MYO3B: variants seen among roughly 807,000 people sequenced by gnomAD.
MYO3B encodes the protein myosin IIIB.
MYO3B carries 156 observed loss-of-function variants against 174.6 expected under a neutral mutation model. That is an observed-to-expected ratio of 0.89 (90% CI 0.78 to 1.02). The LOEUF (loss-of-function observed/expected upper bound fraction) is 1.02. Ranked by LOEUF, MYO3B falls within the 50% of genes least tolerant of loss-of-function variation. The pLI, the probability that MYO3B is intolerant of heterozygous loss-of-function variation, is 0.00. For missense variants in MYO3B, 1,632 were observed against 1,639.4 expected (o/e 1.00, Z 0.08); for synonymous variants, 563 against 569.1 (o/e 0.99, Z 0.15).
intron 5 of MYO3B, among the ~76,000 whole-genome samples, chr2:170,216,124 G>GTGAACACAA (rs1559306716): frequency 2.1e-4 from 32 of 152,082 alleles, no homozygotes; most frequent in Admixed American, 7.2e-4. Flanking sequence ...GAGAATGTCC[G>GTGAACACAA]CAGTCATCCC....
chr2:170,602,134 G>A (rs1206912003), intron 32 of MYO3B: 5 of 1,239,510 alleles, frequency 4.0e-6, no homozygotes, highest in Non-Finnish European at 5.9e-6. Context: ...TGAGGCATCT[G>A]GGTGCTTCTT....
intron 32 of MYO3B, among the ~76,000 whole-genome samples, chr2:170,607,456 A>G (rs1694886229): frequency 1.3e-5 from 2 of 152,254 alleles, no homozygotes; most frequent in African/African-American, 4.8e-5. Context: ...TATGGCAGAG[A>G]CTTGGCAAAC....
intron 25 of MYO3B, among the ~76,000 whole-genome samples, chr2:170,467,210 C>T (rs1684698233): frequency 1.3e-5 from 2 of 152,154 alleles, no homozygotes; most frequent in Admixed American, 6.5e-5. Context: ...CTATTATCAT[C>T]CCCATTTTAC....
chr2:170,488,404 G>C (rs1210942683), intron 25 of MYO3B, among the ~76,000 whole-genome samples: 1 of 152,034 alleles, frequency 6.6e-6, no homozygotes, highest in Non-Finnish European at 1.5e-5. Context: ...TTGCCCATTT[G>C]TGTGTGTGCC....
chr2:170,528,636 C>T (rs1559086590), intron 30 of MYO3B, among the ~76,000 whole-genome samples: 1 of 152,272 alleles, frequency 6.6e-6, no homozygotes, highest in East Asian at 1.9e-4. Context: ...AATCTCTTGA[C>T]CTCAAGTGAT....
intron 30 of MYO3B, among the ~76,000 whole-genome samples, chr2:170,537,454 T>TTTTTTTTTTG (rs1689793434): frequency 1.5e-5 from 1 of 66,228 alleles, no homozygotes; most frequent in African/African-American, 6.1e-5. Flanking sequence ...TTTGATTTTT[T>TTTTTTTTTTG]TTTTTTTTTT....
intron 32 of MYO3B, among the ~76,000 whole-genome samples, chr2:170,627,369 A>G (rs960331887): frequency 3.3e-5 from 5 of 152,104 alleles, no homozygotes; most frequent in African/African-American, 1.2e-4. Context: ...TGCATTCATC[A>G]CGTAGTTCTC....
At chr2:170,478,489 G>A (rs1428997641) in intron 25 of MYO3B, among the ~76,000 whole-genome samples, 5 of 149,908 alleles carry the variant, frequency 3.3e-5, no homozygotes, top group African/African-American at 9.9e-5. Context: ...TTCTAATTCC[G>A]TGGCCATGGA....
At chr2:170,182,724 G>C (rs2092417143) in intron 1 of MYO3B, among the ~76,000 whole-genome samples, 1 of 149,246 alleles carries the variant, frequency 6.7e-6, no homozygotes. Flanking sequence ...TTATTCTCCT[G>C]CCTCAGCCTC....
intron 27 of MYO3B, among the ~76,000 whole-genome samples, chr2:170,500,463 T>C (rs6433208): frequency 0.92 from 140,125 of 152,036 alleles, 65,577 homozygotes; most frequent in Non-Finnish European, 1. Flanking sequence ...GAATATCTTC[T>C]GGAGGAGTTT....
chr2:170,465,053 A>G (rs1455720283), intron 24 of MYO3B, among the ~76,000 whole-genome samples: 4 of 147,586 alleles, frequency 2.7e-5, no homozygotes, highest in Non-Finnish European at 6.0e-5. Flanking sequence ...TTGTATTTTC[A>G]CTAGAGATGA....
intron 30 of MYO3B, among the ~76,000 whole-genome samples, chr2:170,534,043 A>G (rs1689528139): frequency 6.6e-6 from 1 of 152,232 alleles, no homozygotes; most frequent in Non-Finnish European, 1.5e-5. Flanking sequence ...ATTTGAAAAT[A>G]CTTTTACTAA....
intron 32 of MYO3B, among the ~76,000 whole-genome samples, chr2:170,636,026 T>C (rs1014324958): frequency 2.0e-5 from 3 of 152,248 alleles, no homozygotes; most frequent in African/African-American, 7.2e-5. Context: ...TGTCTGTTTT[T>C]TTCTTTTTAG....
At chr2:170,188,927 T>C (rs1285085127) in intron 1 of MYO3B, among the ~76,000 whole-genome samples, 1 of 152,338 alleles carries the variant, frequency 6.6e-6, no homozygotes, top group Non-Finnish European at 1.5e-5. Flanking sequence ...TTCTGTGTGC[T>C]TACTATTGCC....
intron 25 of MYO3B, among the ~76,000 whole-genome samples, chr2:170,486,361 A>G (rs980757219): frequency 2.8e-5 from 4 of 140,388 alleles, no homozygotes. Flanking sequence ...CTGGAGTGCA[A>G]TGGCGCAATC....
intron 1 of MYO3B, among the ~76,000 whole-genome samples, chr2:170,191,695 G>C (rs974591083): frequency 4.6e-5 from 7 of 152,170 alleles, no homozygotes; most frequent in African/African-American, 1.7e-4. Flanking sequence ...CATGACTGTG[G>C]CTGGGAGATT....
chr2:170,568,177 A>G (rs1559122961), intron 32 of MYO3B, among the ~76,000 whole-genome samples: 1 of 152,256 alleles, frequency 6.6e-6, no homozygotes, highest in Non-Finnish European at 1.5e-5. Flanking sequence ...CTTTGCAGAT[A>G]TACTTTGCAA....
chr2:170,519,327 G>A (rs1165381721), intron 29 of MYO3B, 111 bp from the exon 30 acceptor site: 11 of 694,842 alleles, frequency 1.6e-5, no homozygotes, highest in Non-Finnish European at 2.6e-5. Flanking sequence ...AGAAAGTCAC[G>A]GAGTGGTATG....
At chr2:170,612,888 C>T (rs570083193) in intron 32 of MYO3B, among the ~76,000 whole-genome samples, 7 of 152,318 alleles carry the variant, frequency 4.6e-5, no homozygotes, top group African/African-American at 1.7e-4. Context: ...TTTAGAAAGA[C>T]TCAAGCACTG....
Sources: allele counts gnomAD v4.1 joint callset (sites outside exome capture counted in the v4.1 genomes callset), GRCh38; gene constraint gnomAD v4.1.1; transcripts MANE v1.5; gene names NCBI Gene and HGNC (gene_info 2026-07-23, HGNC 2026-07-21).